Variants in ACTC1 observed in about 807,000 individuals in gnomAD.
The protein encoded by ACTC1 is actin, alpha cardiac muscle 1.
Under a neutral mutation model 31.6 loss-of-function variants are expected in ACTC1, and 10 were observed. The observed-to-expected ratio is 0.32, with a 90% CI of 0.19 to 0.54. ACTC1 has a LOEUF of 0.54. ACTC1 is among the 20% of genes least tolerant of loss of function. The probability of loss-of-function intolerance (pLI) is 0.95; values close to 1 mark genes in which losing one functional copy is unlikely to be tolerated. For synonymous variants in ACTC1, 196 were observed against 185.0 expected (o/e 1.06, Z -0.48); for missense variants, 129 against 506.4 (o/e 0.25, Z 7.15).
chr15:34,794,776 C>T lies in ACTC1; in HGVS notation c.33G>A (p.Val11=), dbSNP rs368212410. Residue 11 remains valine, a synonymous_variant, in exon 2 of 7, where the codon GTG becomes GTA. Coordinates refer to ENST00000290378, the MANE Select transcript of ACTC1 (RefSeq NM_005159.5). The part of the protein sequence containing the change: MCDDEETTAL[V]CDNGSGLVKA... ...TCACCAGCCCAGAGCCGTTGTCGCA[C>T]ACCAGGGCGGTGGTCTCCTCGTCGT... 1 of 1,613,744 alleles carries T rather than the reference C, an allele frequency of 6.2e-7. No homozygotes were observed. Among genetic ancestry groups the T allele is most frequent in the Non-Finnish European group, 8.5e-7 (1 of 1,179,870 alleles).
rs1048938591 is a variant in ACTC1 at position 34,793,599 on chromosome 15, C to T, written c.130-30G>A. On this transcript the variant is annotated intron_variant, in intron 2 of 6. Transcript: ENST00000290378. This position sits in a 1 kb window ranked among gnomAD's most constrained non-coding sequence, Gnocchi z 4.8. ...GAGAAGAAAAAATGAGAAAATCATG[C>T]TCTCACCATGTCAGGAATATAATCA... is the stretch of plus-strand genomic sequence containing the variant. 5.0e-6 allele frequency: 8 copies of T among 1,593,234 alleles called. No individual in the cohort carries two copies. The highest frequency in any genetic ancestry group is 3.3e-5 in the South Asian group (3 of 90,358).
chr15:34,795,462 G>T, intron 1 of ACTC1, 44 bp downstream of exon 1: 1 of 152,436 alleles, frequency 6.6e-6, no homozygotes, highest in South Asian at 2.0e-4. Flanking sequence ...CGCGGCCCGC[G>T]GACCAGGCGA....
intron 5 of ACTC1, 79 bp from the exon 6 acceptor site, chr15:34,791,374 G>T: frequency 6.4e-7 from 1 of 1,559,098 alleles, no homozygotes; most frequent in South Asian, 1.1e-5. Flanking sequence ...TTCAGGTCAA[G>T]GTAGAGGGAA....
Position 34,790,486 on chromosome 15 carries a change from A to G in ACTC1, c.1060T>C (p.Phe354Leu). Reference sequence around the variant, plus strand: ...TGCTTGCTAATCCACATTTGCTGGAAGGTGGACAGAGAGGCCAGGATGGAG... The same window carrying G: ...TGCTTGCTAATCCACATTTGCTGGAGGGTGGACAGAGAGGCCAGGATGGAG... ...GGSILASLST[F>L]QQMWISKQEY... The change falls in exon 7 of 7, where the codon TTC becomes CTC. Residue 354 changes from phenylalanine (F) to leucine (L), a missense_variant. Coordinates refer to ENST00000290378, the MANE Select transcript of ACTC1 (RefSeq NM_005159.5). The G allele has an allele frequency of 6.2e-7, 1 of 1,613,776 alleles. No individual in the cohort carries two copies. Among genetic ancestry groups the G allele is most frequent in the Non-Finnish European group, 8.5e-7 (1 of 1,179,808 alleles).
Position 34,792,056 on chromosome 15 carries a change from A to C in ACTC1, c.808+34T>G. ...TGGGAGACCCTAAGATTTCCAGGGAAAATCGTGCCTCTGCACCAGACCCTA... is the reference window on the plus strand; with the variant it reads ...TGGGAGACCCTAAGATTTCCAGGGACAATCGTGCCTCTGCACCAGACCCTA... On this transcript the variant is annotated intron_variant, in intron 5 of 6. Transcript: ENST00000290378. The surrounding 1 kb of genome is among the most constrained non-coding windows in gnomAD (Gnocchi z 5.3). 3 of 1,612,548 alleles carry C rather than the reference A, an allele frequency of 1.9e-6. No individual in the cohort carries two copies. Among genetic ancestry groups the C allele is most frequent in the Non-Finnish European group, 2.5e-6 (3 of 1,179,186 alleles).
At chr15:34,791,046 T>A (rs553612327) in intron 6 of ACTC1, 68 bp downstream of exon 6, 2 of 1,430,126 alleles carry the variant, frequency 1.4e-6, no homozygotes, top group East Asian at 2.3e-5. Context: ...GGAAAAGGAA[T>A]TTGGAACGTA....
rs761593696 is a variant in ACTC1, at chr15:34,792,378, C to G, written c.616+30G>C. 1.2e-6 allele frequency: 2 copies of G among 1,614,184 alleles called. No homozygotes were observed. The highest frequency in any genetic ancestry group is 1.7e-6 in the Non-Finnish European group (2 of 1,180,024). On this transcript the variant is annotated intron_variant, in intron 4 of 6. Transcript: ENST00000290378. This position sits in a 1 kb window ranked among gnomAD's most constrained non-coding sequence, Gnocchi z 5.3. ...GTGAGAGAGGAGGAAAGCAGACCCA[C>G]ACTGTGGCAGATGAGACACACACAC...
At chr15:34,791,987 C>A in intron 5 of ACTC1, 103 bp downstream of exon 5, 1 of 1,296,530 alleles carries the variant, frequency 7.7e-7, no homozygotes, top group South Asian at 1.2e-5. Flanking sequence ...CAAACTATGA[C>A]TTCTTTTAAC....
chr15:34,792,309 T>C lies in ACTC1; in HGVS notation c.617-28A>G. On this transcript the variant is annotated intron_variant, in intron 4 of 6. Coordinates refer to ENST00000290378, the MANE Select transcript of ACTC1 (RefSeq NM_005159.5). This position sits in a 1 kb window ranked among gnomAD's most constrained non-coding sequence, Gnocchi z 5.3. ...ACAGAAATAAAGAGTATCACAGTCA[T>C]GCTCTGAAGCAAGAAGTCAATTATA... The C allele has an allele frequency of 6.2e-7, 1 of 1,614,152 alleles. No homozygotes were observed. Among genetic ancestry groups the C allele is most frequent in the Non-Finnish European group, 8.5e-7 (1 of 1,179,996 alleles).
intron 5 of ACTC1, 190 bp downstream of exon 5, chr15:34,791,900 T>C (rs1341184447): frequency 6.5e-6 from 4 of 613,212 alleles, no homozygotes; most frequent in Non-Finnish European, 1.1e-5. Context: ...TGTCATCCTT[T>C]ATTATATCAC....
At position 34,793,126 on chromosome 15, in the gene ACTC1, C is replaced by T. The variant is rs1032286119; in HGVS notation, c.454+119G>A. ...GTTAACTCTTTCTCTTAGCACAGAC[C>T]TTGCTAGGGAATGGGAGGAAAGGGA... On this transcript the variant is annotated intron_variant, in intron 3 of 6. Coordinates refer to ENST00000290378, the MANE Select transcript of ACTC1 (RefSeq NM_005159.5). This position sits in a 1 kb window ranked among gnomAD's most constrained non-coding sequence, Gnocchi z 4.8. 5.7e-6 allele frequency: 6 copies of T among 1,051,662 alleles called. No homozygotes were observed. Among genetic ancestry groups the T allele is most frequent in the African/African-American group, 1.6e-5 (1 of 64,034 alleles). The allele number at this position is 1,051,662 out of a possible 1,614,324, so 65.1% of individuals were successfully genotyped here.
At chr15:34,791,729 G>T (rs1891711416) in intron 5 of ACTC1, 1 of 370,670 alleles carries the variant, frequency 2.7e-6, no homozygotes, top group Non-Finnish European at 5.0e-6. Context: ...ATATGAGTAG[G>T]AATGTTATTG....
intron 2 of ACTC1, 31 bp downstream of exon 2, chr15:34,794,649 A>C: frequency 6.2e-7 from 1 of 1,605,460 alleles, no homozygotes; most frequent in South Asian, 1.1e-5. Context: ...AGGGGTCCCG[A>C]GTGGGACGGG....
intron 1 of ACTC1, 107 bp from the exon 2 acceptor site, chr15:34,794,937 CA>C: frequency 1.1e-6 from 1 of 932,832 alleles, no homozygotes; most frequent in Non-Finnish European, 1.5e-6. Context: ...GGGGACTGGA[CA>C]GGGGGTTGGG....
At chr15:34,791,714 T>C in intron 5 of ACTC1, 1 of 350,372 alleles carries the variant, frequency 2.9e-6, no homozygotes, top group South Asian at 3.3e-5. Context: ...AGTGCCCAGT[T>C]ATTAATATGA....
intron 2 of ACTC1, 98 bp downstream of exon 2, chr15:34,794,582 A>T: frequency 6.8e-7 from 1 of 1,462,910 alleles, no homozygotes; most frequent in African/African-American, 1.4e-5. Flanking sequence ...ATTTGGCCTA[A>T]AGAGTTCATC....
rs2140430937 is a variant in ACTC1, at chr15:34,792,499, A to G, written c.525T>C (p.His175=). The G allele has an allele frequency of 6.2e-7, 1 of 1,614,202 alleles. No homozygotes were observed. Among genetic ancestry groups the G allele is most frequent in the Non-Finnish European group, 8.5e-7 (1 of 1,180,032 alleles). Residue 175 remains histidine (H), a synonymous_variant, in exon 4 of 7, where the codon CAT becomes CAC. Transcript: ENST00000290378. This position sits in a 1 kb window ranked among gnomAD's most constrained non-coding sequence, Gnocchi z 5.3. ...VPIYEGYALP[H]AIMRLDLAGR... ...CAGCCAGATCCAGACGCATGATGGC[A>G]TGGGGCAAAGCGTAGCCCTCATAGA... is the stretch of plus-strand genomic sequence containing the variant.
rs149345326 is a variant in ACTC1, at chr15:34,793,077, C to T, written c.454+168G>A. 5.9e-5 allele frequency among the ~76,000 whole-genome samples: 9 copies of T among 152,126 alleles called. No individual in the cohort carries two copies. The highest frequency in any genetic ancestry group is 2.2e-4 in the African/African-American group (9 of 41,434). ...ATCAGCTCCAACAATAATTGTGCTC[C>T]GAAACTAACCTCAGGGCACTACTGT... On this transcript the variant is annotated intron_variant, in intron 3 of 6. Coordinates refer to ENST00000290378, the MANE Select transcript of ACTC1 (RefSeq NM_005159.5). This position sits in a 1 kb window ranked among gnomAD's most constrained non-coding sequence, Gnocchi z 4.8.
chr15:34,794,657 G>A (rs771926957), intron 2 of ACTC1, 23 bp downstream of exon 2: 1 of 1,600,322 alleles, frequency 6.2e-7, no homozygotes, highest in South Asian at 1.1e-5. Context: ...CGAGTGGGAC[G>A]GGGGGCTCGG....
Sources: allele counts gnomAD v4.1 joint callset (sites outside exome capture counted in the v4.1 genomes callset), GRCh38; gene constraint gnomAD v4.1.1; non-coding constraint Gnocchi (gnomAD v3.1); transcripts MANE v1.5; gene names NCBI Gene and HGNC (gene_info 2026-07-23, HGNC 2026-07-21).